KSR1: variants seen among roughly 807,000 people sequenced by gnomAD.
KSR1 encodes kinase suppressor of ras 1.
In KSR1, 35 loss-of-function variants were observed where a neutral mutation model predicts 92.9. The ratio of observed to expected loss-of-function variants is 0.38; its 90% CI spans 0.29 to 0.50. The LOEUF (loss-of-function observed/expected upper bound fraction) is 0.50. Among genes scored for constraint, KSR1 ranks in the 20% least tolerant of loss-of-function variants. The pLI is 0.94. For synonymous variants in KSR1, 467 were observed against 472.6 expected, an observed-to-expected ratio of 0.99 and a Z score of 0.15; for missense variants, 972 against 1,158.5, an observed-to-expected ratio of 0.84 and a Z score of 2.34.
At chr17:27,530,066 C>T (rs909818474) in intron 1 of KSR1, among the ~76,000 whole-genome samples, 8 of 152,268 alleles carry the variant, frequency 5.3e-5, no homozygotes, top group Admixed American at 2.6e-4. Context: ...CCAACCCATC[C>T]CACACCCGTC....
Position 27,500,150 on chromosome 17 carries a change from T to A in KSR1, c.231+43276T>A, listed in dbSNP as rs564584641. ...AGCCAGGATGGATGACCAGCAAGCTTATAAAGAGTGCAGGGGTCAGTGGGA... is the reference window on the plus strand; with the variant it reads ...AGCCAGGATGGATGACCAGCAAGCTAATAAAGAGTGCAGGGGTCAGTGGGA... On this transcript the variant is annotated intron_variant, in intron 1 of 20. Transcript: ENST00000644974. Among the ~76,000 whole-genome samples the A allele has an allele frequency of 2.0e-5, 3 of 152,238 alleles. No individual in the cohort carries two copies. In the South Asian group the frequency reaches 6.2e-4, roughly 32 times the overall value.
At chr17:27,498,598 C>T (rs1597885950) in intron 1 of KSR1, among the ~76,000 whole-genome samples, 2 of 152,170 alleles carry the variant, frequency 1.3e-5, no homozygotes, top group East Asian at 1.9e-4. Context: ...CCAGCTAGGC[C>T]TCTGTGCGCT....
intron 9 of KSR1, among the ~76,000 whole-genome samples, chr17:27,593,655 CCT>C (rs1469328507): frequency 5.3e-5 from 8 of 152,232 alleles, no homozygotes; most frequent in African/African-American, 1.9e-4. Flanking sequence ...CTGCACCTGT[CCT>C]CTCTCCTGCC....
chr17:27,609,668 C>T (rs1001690031), intron 16 of KSR1, among the ~76,000 whole-genome samples: 5 of 152,180 alleles, frequency 3.3e-5, no homozygotes, highest in Admixed American at 6.5e-5. Context: ...GAGAAAGGCC[C>T]CTCCCCTCAC....
intron 1 of KSR1, among the ~76,000 whole-genome samples, chr17:27,464,125 A>G (rs917227187): frequency 6.6e-6 from 1 of 152,186 alleles, no homozygotes; most frequent in Non-Finnish European, 1.5e-5. Context: ...GAGCCACTCC[A>G]TCCTCCTCTG....
At chr17:27,612,985 A>G (rs1231842758) in intron 18 of KSR1, 2 of 152,274 alleles carry the variant, frequency 1.3e-5, no homozygotes, top group Non-Finnish European at 2.9e-5. Flanking sequence ...GGCTCACTCA[A>G]GATGACATTA....
chr17:27,577,666 T>A lies in KSR1; in HGVS notation c.520+27T>A. ...TACGTGGGGCCTGCCACCCTCTCCC[T>A]TGCCTGGCCTGGTGCCCTTGGGGCT... On this transcript the variant is annotated intron_variant, in intron 3 of 20. Transcript: ENST00000644974. The surrounding 1 kb of genome is among the most constrained non-coding windows in gnomAD (Gnocchi z 4.5). 1 of 1,506,674 alleles carries A rather than the reference T, an allele frequency of 6.6e-7. No homozygotes were observed. The highest frequency in any genetic ancestry group is 8.9e-7 in the Non-Finnish European group (1 of 1,118,894). The allele number at this position is 1,506,674 out of a possible 1,614,324, so 93.3% of individuals were successfully genotyped here.
intron 1 of KSR1, chr17:27,526,250 A>G: frequency 1.7e-6 from 1 of 577,276 alleles, no homozygotes; most frequent in Non-Finnish European, 3.0e-6. Context: ...GTTTCCCTGA[A>G]GGAATTCTTA....
chr17:27,506,780 A>G (rs1030713735), intron 1 of KSR1, among the ~76,000 whole-genome samples: 1 of 150,910 alleles, frequency 6.6e-6, no homozygotes, highest in Non-Finnish European at 1.5e-5. Flanking sequence ...GAGTCATGGA[A>G]ACCCCCAGCC....
At chr17:27,618,631 A>G (rs2074128774) in intron 19 of KSR1, among the ~76,000 whole-genome samples, 1 of 152,258 alleles carries the variant, frequency 6.6e-6, no homozygotes. Context: ...AGCCACGGAC[A>G]GCATAAACCA....
intron 1 of KSR1, among the ~76,000 whole-genome samples, chr17:27,549,275 G>C (rs1332877830): frequency 6.6e-6 from 1 of 152,226 alleles, no homozygotes; most frequent in Non-Finnish European, 1.5e-5. Flanking sequence ...GAGGCCACCA[G>C]AGTCTTAGCA....
intron 7 of KSR1, 87 bp downstream of exon 7, chr17:27,590,981 T>A (rs1272989499): frequency 8.7e-7 from 1 of 1,154,604 alleles, no homozygotes; most frequent in Non-Finnish European, 1.3e-6. Context: ...CTATTCATAG[T>A]CCTATTCAGC....
chr17:27,605,613 G>A lies in KSR1; in HGVS notation c.1794G>A (p.Gly598=), dbSNP rs769481495. The A allele has an allele frequency of 1.4e-5, 22 of 1,605,588 alleles. No individual in the cohort carries two copies. Residue 598 remains glycine, a synonymous_variant, in exon 14 of 21, where the codon GGG becomes GGA. Transcript: ENST00000644974. ...FEQVELGEPI[G]QGRWGRVHRG... ...AGGTAGAGCTGGGCGAGCCCATCGG[G>A]CAGGGCCGCTGGGGCCGGGTGCACC...
At chr17:27,497,245 CATACAGAGAAACA>C (rs1447752545) in intron 1 of KSR1, among the ~76,000 whole-genome samples, 4 of 152,188 alleles carry the variant, frequency 2.6e-5, no homozygotes, top group Non-Finnish European at 4.4e-5. Flanking sequence ...CCTTAAACTC[CATACAGAGAAACA>C]GAGGCTGAAG....
rs1318492837 is a variant in KSR1 at position 27,553,121 on chromosome 17, C to G, written c.372+2413C>G. On this transcript the variant is annotated intron_variant, in intron 2 of 20. Coordinates refer to ENST00000644974, the MANE Select transcript of KSR1 (RefSeq NM_001394583.1). ...TCAGGCACCTGGCCAAGCCCTTTCA[C>G]CTTCCAAAGCTTCAGTCTCCTCCTC... Among the ~76,000 whole-genome samples the G allele has an allele frequency of 1.1e-4, 17 of 152,332 alleles. No homozygotes were observed. In the East Asian group the frequency reaches 3.3e-3, roughly 29 times the overall value.
chr17:27,473,644 C>T (rs1184278674), intron 1 of KSR1, among the ~76,000 whole-genome samples: 1 of 152,096 alleles, frequency 6.6e-6, no homozygotes, highest in Admixed American at 6.6e-5. Context: ...GCAGGTAGTG[C>T]TTGGGTGTGA....
intron 1 of KSR1, among the ~76,000 whole-genome samples, chr17:27,502,625 CT>C (rs1392698570): frequency 1.3e-5 from 2 of 152,244 alleles, no homozygotes; most frequent in Middle Eastern, 3.2e-3. Context: ...GTCAGGAGCC[CT>C]CCTCGGGGGC....
At chr17:27,507,399 C>T (rs2150993144) in intron 1 of KSR1, among the ~76,000 whole-genome samples, 1 of 151,948 alleles carries the variant, frequency 6.6e-6, no homozygotes, top group South Asian at 2.1e-4. Flanking sequence ...TGCCACTGCA[C>T]TCTAGCCTGG....
intron 1 of KSR1, among the ~76,000 whole-genome samples, chr17:27,535,607 C>T (rs553128330): frequency 3.9e-5 from 6 of 152,186 alleles, no homozygotes; most frequent in Non-Finnish European, 8.8e-5. Flanking sequence ...TTCATCTGGA[C>T]GCTTTCCTTC....
Sources: allele counts gnomAD v4.1 joint callset (sites outside exome capture counted in the v4.1 genomes callset), GRCh38; gene constraint gnomAD v4.1.1; non-coding constraint Gnocchi (gnomAD v3.1); transcripts MANE v1.5; gene names NCBI Gene and HGNC (gene_info 2026-07-23, HGNC 2026-07-21).